FLYWCH1: variants seen among roughly 807,000 people sequenced by gnomAD.
FLYWCH1 encodes the protein FLYWCH-type zinc finger-containing protein 1.
Under a neutral mutation model 66.4 loss-of-function variants are expected in FLYWCH1, and 75 were observed. The ratio of observed to expected loss-of-function variants is 1.13; its 90% CI spans 0.94 to 1.37. The LOEUF (loss-of-function observed/expected upper bound fraction) is 1.37, where lower values mean the gene tolerates loss of function less well. Among genes scored for constraint, FLYWCH1 ranks in the 40% most tolerant of loss-of-function variants. The pLI is 0.00. For missense variants in FLYWCH1, 1,334 were observed against 1,001.8 expected (o/e 1.33, Z -4.48); for synonymous variants, 595 against 429.9 (o/e 1.38, Z -4.75).
chr16:2,937,017 T>G lies in FLYWCH1; in HGVS notation c.1514-104T>G, dbSNP rs747801509. Reference sequence around the variant, plus strand: ...CCTGGGCTCCGGGGCCACCTCACTGTGAGGAGGAGGTGTGGGCGTTGTGGG... The same window carrying G: ...CCTGGGCTCCGGGGCCACCTCACTGGGAGGAGGAGGTGTGGGCGTTGTGGG... On this transcript the variant is annotated intron_variant, in intron 6 of 9. Coordinates refer to ENST00000253928, the MANE Select transcript of FLYWCH1 (RefSeq NM_001308068.2). 101 of 1,209,554 alleles carry G rather than the reference T, an allele frequency of 8.4e-5. 1 individual carries two copies. The highest frequency in any genetic ancestry group is 7.0e-4 in the South Asian group (43 of 61,090). 74.9% of individuals were successfully genotyped at this position (1,209,554 alleles called of 1,614,324 possible). A position where few individuals can be genotyped will look rare whatever the true frequency, so the allele number is the denominator to read the frequency against.
At position 2,929,773 on chromosome 16, in the gene FLYWCH1, C is replaced by T; in HGVS notation, c.88C>T (p.Pro30Ser). Residue 30 changes from proline (P) to serine (S), a missense_variant, in exon 3 of 10, where the codon CCG (proline) becomes TCG (serine). Physicochemically the swap from Pro to Ser is moderately conservative, Grantham distance 74. Transcript: ENST00000253928. ...PSPKPGTDVI[P>S]AAPRKPREFS... ...CCCCAAGCCAGGCACGGACGTCATC[C>T]CGGCAGCCCCCAGGAAGCCCAGGGA... The T allele has an allele frequency of 2.5e-6, 4 of 1,613,918 alleles. No individual in the cohort carries two copies. In the South Asian group the frequency reaches 4.4e-5, roughly 18 times the overall value.
At chr16:2,947,743 C>G (rs2071542723) in intron 9 of FLYWCH1, among the ~76,000 whole-genome samples, 1 of 121,702 alleles carries the variant, frequency 8.2e-6, no homozygotes, top group Non-Finnish European at 1.6e-5. Flanking sequence ...GCTTGGGCAA[C>G]AAGAGCAAAA....
chr16:2,930,015 G>C lies in FLYWCH1; in HGVS notation c.325+5G>C. On this transcript the variant is annotated splice_donor_5th_base_variant and intron_variant, in intron 3 of 9. Coordinates refer to ENST00000253928, the MANE Select transcript of FLYWCH1 (RefSeq NM_001308068.2). ...AGTGCAGCAAGCTGGATGCAGGTGA[G>C]GTGTGGCTTCCCGCCCCTGCCCAGC... 1 of 1,598,528 alleles carries C rather than the reference G, an allele frequency of 6.3e-7. No individual in the cohort carries two copies. Among genetic ancestry groups the C allele is most frequent in the Non-Finnish European group, 8.6e-7 (1 of 1,168,870 alleles).
At chr16:2,914,404 C>T (rs1301973337) in intron 2 of FLYWCH1, 115 bp downstream of exon 2, 1 of 152,232 alleles carries the variant, frequency 6.6e-6, no homozygotes, top group Non-Finnish European at 1.5e-5. Flanking sequence ...AACATGTGAC[C>T]CTTAGGTCTA....
chr16:2,937,235 A>C lies in FLYWCH1; in HGVS notation c.1628A>C (p.Gln543Pro). The change falls in exon 7 of 10, where the codon CAG (glutamine) becomes CCG (proline). Residue 543 changes from glutamine to proline, a missense_variant. Coordinates refer to ENST00000253928, the MANE Select transcript of FLYWCH1 (RefSeq NM_001308068.2). ...AAGGTGTATTGGACCTGCCGGGACC[A>C]GGCCCGCATGGGCTGCCGCAGCCGC... ...GEKVYWTCRD[Q>P]ARMGCRSRAI... 1.2e-6 allele frequency: 2 copies of C among 1,605,862 alleles called. No homozygotes were observed. The highest frequency in any genetic ancestry group is 1.7e-6 in the Non-Finnish European group (2 of 1,177,476).
At chr16:2,923,926 C>G (rs2070466070) in intron 2 of FLYWCH1, among the ~76,000 whole-genome samples, 1 of 152,084 alleles carries the variant, frequency 6.6e-6, no homozygotes, top group South Asian at 2.1e-4. Context: ...GTAATCGCAG[C>G]TACTTGGGAG....
At position 2,933,938 on chromosome 16, in the gene FLYWCH1, A is replaced by T; in HGVS notation, c.1472A>T (p.Gln491Leu). The change falls in exon 6 of 10, where the codon CAG (glutamine) becomes CTG (leucine). Residue 491 changes from glutamine (Q) to leucine (L), a missense_variant. By Grantham distance (113) the Gln-to-Leu change is moderately radical. Transcript: ENST00000253928. ...PDLGGLEALR[Q>L]REKRPNTAQR... Reference sequence around the variant, plus strand: ...CTGGGAGGCCTGGAGGCCCTGAGGCAGCGGGAGAAACGCCCCAACACGGCG... The same window carrying T: ...CTGGGAGGCCTGGAGGCCCTGAGGCTGCGGGAGAAACGCCCCAACACGGCG... 1 of 1,564,352 alleles carries T rather than the reference A, an allele frequency of 6.4e-7. No homozygotes were observed. The highest frequency in any genetic ancestry group is 8.7e-7 in the Non-Finnish European group (1 of 1,154,600).
At chr16:2,941,359 G>C (rs965455660) in intron 9 of FLYWCH1, among the ~76,000 whole-genome samples, 1 of 152,180 alleles carries the variant, frequency 6.6e-6, no homozygotes. Context: ...CTTATGGGAT[G>C]CACTGAAAGC....
At chr16:2,943,586 C>T (rs1438885768) in intron 9 of FLYWCH1, 2 of 151,732 alleles carry the variant, frequency 1.3e-5, no homozygotes, top group African/African-American at 4.8e-5. Flanking sequence ...TAAAAACATT[C>T]AACAAACTAG....
intron 2 of FLYWCH1, among the ~76,000 whole-genome samples, chr16:2,924,774 C>G (rs1357097342): frequency 6.6e-6 from 1 of 152,196 alleles, no homozygotes; most frequent in Admixed American, 6.5e-5. Context: ...CATCCAAGAG[C>G]CTGAACGGGC....
chr16:2,922,676 G>T (rs1341514609), intron 2 of FLYWCH1: 3 of 456,990 alleles, frequency 6.6e-6, no homozygotes, highest in East Asian at 5.7e-5. Flanking sequence ...TCTCCATTTT[G>T]TTGGCCACAC....
chr16:2,925,805 T>G (rs1428071464), intron 2 of FLYWCH1, among the ~76,000 whole-genome samples: 1 of 152,040 alleles, frequency 6.6e-6, no homozygotes, highest in Non-Finnish European at 1.5e-5. Flanking sequence ...GGACCGGGCC[T>G]TAATGGAGTT....
intron 2 of FLYWCH1, among the ~76,000 whole-genome samples, chr16:2,914,830 A>C (rs2070111565): frequency 6.6e-6 from 1 of 150,688 alleles, no homozygotes; most frequent in Admixed American, 6.6e-5. Flanking sequence ...AACCTGGTTC[A>C]AGGATTCAGC....
intron 2 of FLYWCH1, among the ~76,000 whole-genome samples, chr16:2,918,721 G>A (rs998230842): frequency 6.6e-5 from 10 of 152,180 alleles, no homozygotes; most frequent in African/African-American, 7.2e-5. Flanking sequence ...GATTAGAGGC[G>A]TGAACCACCG....
chr16:2,932,225 C>T (rs1175550128), intron 4 of FLYWCH1, among the ~76,000 whole-genome samples: 8 of 138,304 alleles, frequency 5.8e-5, no homozygotes, highest in Non-Finnish European at 9.0e-5. Context: ...GAGCCAAGAT[C>T]GAGCCATTGT....
intron 9 of FLYWCH1, among the ~76,000 whole-genome samples, chr16:2,942,104 T>G (rs904276767): frequency 2.0e-5 from 3 of 151,674 alleles, no homozygotes; most frequent in African/African-American, 7.3e-5. Flanking sequence ...TGACAAATAT[T>G]TAGCTCTATC....
At chr16:2,912,784 C>G (rs992493817) in intron 1 of FLYWCH1, among the ~76,000 whole-genome samples, 1 of 152,192 alleles carries the variant, frequency 6.6e-6, no homozygotes, top group African/African-American at 2.4e-5. Context: ...ACGGGTCTGA[C>G]GTAGTTGAAA....
At chr16:2,946,481 C>G (rs2071492445) in intron 9 of FLYWCH1, among the ~76,000 whole-genome samples, 1 of 151,840 alleles carries the variant, frequency 6.6e-6, no homozygotes, top group South Asian at 2.1e-4. Flanking sequence ...GTCACCACAC[C>G]TGGCTAATTT....
chr16:2,929,146 C>A (rs976624290), intron 2 of FLYWCH1, among the ~76,000 whole-genome samples: 1 of 152,202 alleles, frequency 6.6e-6, no homozygotes, highest in Admixed American at 6.5e-5. Flanking sequence ...CTGACAAGTC[C>A]CTGGGCATCT....
Sources: gnomAD v4.1 joint callset for allele counts (sites outside exome capture counted in the v4.1 genomes callset) on GRCh38, gnomAD v4.1.1 for gene constraint, MANE v1.5 for transcripts, NCBI Gene and HGNC (gene_info 2026-07-23, HGNC 2026-07-21) for gene names.